The following XYLT1 variants were observed in gnomAD, a reference collection of about 807,000 sequenced individuals.
The protein encoded by XYLT1 is xylosyltransferase 1.
In XYLT1, 36 loss-of-function variants were observed where a neutral mutation model predicts 91.3. The ratio of observed to expected loss-of-function variants is 0.39; its 90% confidence interval spans 0.30 to 0.52. The LOEUF (loss-of-function observed/expected upper bound fraction) is 0.52. Among genes scored for constraint, XYLT1 ranks in the 20% least tolerant of loss-of-function variants. The pLI is 0.68. For missense variants in XYLT1, 1,242 were observed against 1,284.5 expected (o/e 0.97, Z 0.51); for synonymous variants, 588 against 532.0 (o/e 1.11, Z -1.45).
Position 17,138,355 on chromosome 16 carries a change from C to T in XYLT1, c.1764G>A (p.Gln588=). Residue 588 remains glutamine, a splice_region_variant and synonymous_variant, in exon 8 of 12, where the codon CAG becomes CAA. Coordinates refer to ENST00000261381, the MANE Select transcript of XYLT1 (RefSeq NM_022166.4). ...CTGGCAGACCATGAGAAAGTCTCACCTGGAAGCGGTGGAAGTCCTGCGGCT... is the reference window on the plus strand; with the variant it reads ...CTGGCAGACCATGAGAAAGTCTCACTTGGAAGCGGTGGAAGTCCTGCGGCT... ...DFKPQDFHRF[Q]QTARPTFFAR... is the part of the protein sequence containing the mutation. 1 of 1,610,576 alleles carries T rather than the reference C, an allele frequency of 6.2e-7. No individual in the cohort carries two copies. The highest frequency in any genetic ancestry group is 8.5e-7 in the Non-Finnish European group (1 of 1,177,448).
At chr16:17,215,946 TGAG>T (rs1276963939) in intron 3 of XYLT1, among the ~76,000 whole-genome samples, 1 of 152,080 alleles carries the variant, frequency 6.6e-6, no homozygotes, top group African/African-American at 2.4e-5. Context: ...TATCCATGGT[TGAG>T]GAGTGGGTGG....
rs192402129 is a variant in XYLT1, at chr16:17,222,197, T to A, written c.914-21543A>T. Among the ~76,000 whole-genome samples, 14 of 152,336 alleles carry A rather than the reference T, an allele frequency of 9.2e-5. No homozygotes were observed. The East Asian group carries it at 1.2e-3, about 13-fold the overall frequency. On this transcript the variant is annotated intron_variant, in intron 3 of 11. Transcript: ENST00000261381. ...AACATGGGTCCTAGAGGAACATTTA[T>A]ATTTTATGTCACAGAAACATACTAA...
intron 3 of XYLT1, among the ~76,000 whole-genome samples, chr16:17,248,779 G>A (rs368120920): frequency 9.1e-5 from 12 of 132,208 alleles, no homozygotes; most frequent in East Asian, 8.3e-4. Context: ...ATGGAGTCTC[G>A]CTCTGTCATC....
At chr16:17,275,765 G>A (rs1469091208) in intron 2 of XYLT1, among the ~76,000 whole-genome samples, 1 of 152,078 alleles carries the variant, frequency 6.6e-6, no homozygotes, top group Admixed American at 6.6e-5. Flanking sequence ...AGGTCCTCTG[G>A]GACGGGGCAC....
chr16:17,446,930 A>G (rs1001038719), intron 1 of XYLT1, among the ~76,000 whole-genome samples: 2 of 151,840 alleles, frequency 1.3e-5, no homozygotes, highest in Non-Finnish European at 2.9e-5. Flanking sequence ...GGGGAGCCCA[A>G]GAGGGACCTC....
At chr16:17,413,741 C>G (rs1397758159) in intron 1 of XYLT1, among the ~76,000 whole-genome samples, 1 of 152,114 alleles carries the variant, frequency 6.6e-6, no homozygotes, top group Admixed American at 6.5e-5. Context: ...GATGCTCTAG[C>G]ATTAGGGGTT....
intron 11 of XYLT1, among the ~76,000 whole-genome samples, chr16:17,111,615 G>A (rs1351963106): frequency 6.6e-6 from 1 of 152,226 alleles, no homozygotes; most frequent in Non-Finnish European, 1.5e-5. Context: ...GAAGAAGGAA[G>A]AAAGACCATA....
chr16:17,189,545 T>C (rs1318886954), intron 5 of XYLT1, among the ~76,000 whole-genome samples: 1 of 152,162 alleles, frequency 6.6e-6, no homozygotes, highest in African/African-American at 2.4e-5. Flanking sequence ...AGACAGGGGC[T>C]TTGGGAAGCT....
chr16:17,232,719 G>A (rs186914408), intron 3 of XYLT1, among the ~76,000 whole-genome samples: 49 of 151,786 alleles, frequency 3.2e-4, no homozygotes, highest in Non-Finnish European at 5.7e-4. Context: ...TGATGGGGGC[G>A]GCAGTGGTAG....
chr16:17,354,589 C>A (rs1431016818), intron 2 of XYLT1: 2 of 152,232 alleles, frequency 1.3e-5, no homozygotes, highest in Non-Finnish European at 2.9e-5. Context: ...GGCAGGCTAA[C>A]CTGTGACAGC....
chr16:17,314,037 C>T (rs2034589578), intron 2 of XYLT1, among the ~76,000 whole-genome samples: 1 of 152,162 alleles, frequency 6.6e-6, no homozygotes, highest in South Asian at 2.1e-4. Context: ...AGGGTCTGTC[C>T]AGCCAAAAGA....
chr16:17,352,626 T>C (rs1596497876), intron 2 of XYLT1, among the ~76,000 whole-genome samples: 1 of 152,202 alleles, frequency 6.6e-6, no homozygotes, highest in African/African-American at 2.4e-5. Flanking sequence ...TCTCACCTCC[T>C]GGGCTCAGAA....
chr16:17,246,361 G>A (rs2033435657), intron 3 of XYLT1, among the ~76,000 whole-genome samples: 1 of 152,188 alleles, frequency 6.6e-6, no homozygotes, highest in Non-Finnish European at 1.5e-5. Flanking sequence ...GAGATGGAGA[G>A]TAACAAGTAT....
chr16:17,404,217 C>T lies in XYLT1; in HGVS notation c.364-46167G>A, dbSNP rs563339584. On this transcript the variant is annotated intron_variant, in intron 1 of 11. Coordinates refer to ENST00000261381, the MANE Select transcript of XYLT1 (RefSeq NM_022166.4). ...AGGTGGGACACAGCGAGCTGAGCAG[C>T]CCCTGATGAAACCAAAAGAGTCTCA... Among the ~76,000 whole-genome samples, 4 of 152,264 alleles carry T rather than the reference C, an allele frequency of 2.6e-5. No individual in the cohort carries two copies. The East Asian group carries it at 7.7e-4, about 29-fold the overall frequency.
At chr16:17,328,263 T>C (rs1336657768) in intron 2 of XYLT1, among the ~76,000 whole-genome samples, 1 of 152,090 alleles carries the variant, frequency 6.6e-6, no homozygotes, top group Non-Finnish European at 1.5e-5. Context: ...AAAGCCATGA[T>C]AGGCCGGGTG....
At chr16:17,188,622 A>G (rs2032241835) in intron 5 of XYLT1, among the ~76,000 whole-genome samples, 1 of 152,142 alleles carries the variant, frequency 6.6e-6, no homozygotes, top group African/African-American at 2.4e-5. Flanking sequence ...AAGTGCTCAT[A>G]GATCCTTCAT....
intron 1 of XYLT1, among the ~76,000 whole-genome samples, chr16:17,396,678 C>G (rs764994551): frequency 1.3e-5 from 2 of 152,142 alleles, no homozygotes; most frequent in African/African-American, 2.4e-5. Context: ...TGAGACCAGC[C>G]TGGCCAAACA....
At chr16:17,310,623 G>C (rs1237361950) in intron 2 of XYLT1, among the ~76,000 whole-genome samples, 1 of 152,212 alleles carries the variant, frequency 6.6e-6, no homozygotes, top group East Asian at 1.9e-4. Context: ...GGCCAGGGCA[G>C]GTGGATCATG....
intron 2 of XYLT1, among the ~76,000 whole-genome samples, chr16:17,305,740 C>T (rs1047134318): frequency 1.3e-5 from 2 of 152,022 alleles, no homozygotes; most frequent in African/African-American, 4.8e-5. Context: ...AAGTATTGCT[C>T]GACTAAGCAT....
Sources: gnomAD v4.1 joint callset for allele counts (sites outside exome capture counted in the v4.1 genomes callset) on GRCh38, gnomAD v4.1.1 for gene constraint, MANE v1.5 for transcripts, NCBI Gene and HGNC (gene_info 2026-07-23, HGNC 2026-07-21) for gene names.